Variants in SCML2 observed in about 807,000 individuals in gnomAD.
SCML2 encodes the protein Scm polycomb group protein like 2.
In SCML2, 6 loss-of-function variants were observed where a neutral mutation model predicts 48.4. That is an observed-to-expected ratio of 0.12 (90% CI 0.07 to 0.24). The LOEUF (loss-of-function observed/expected upper bound fraction) is 0.24, where lower values mean the gene tolerates loss of function less well. Among genes scored for constraint, SCML2 ranks in the 10% least tolerant of loss-of-function variants. The pLI is 1.00. For synonymous variants in SCML2, 181 were observed against 189.5 expected (o/e 0.95, Z 0.37); for missense variants, 377 against 528.2 (o/e 0.71, Z 2.81).
intron 7 of SCML2, among the ~76,000 whole-genome samples, chrX:18,290,891 G>A (rs2147509085): frequency 9.0e-6 from 1 of 110,752 alleles, no homozygotes; most frequent in South Asian, 3.9e-4. Context: ...TTAAATATTT[G>A]GACTTTAATG....
intron 2 of SCML2, among the ~76,000 whole-genome samples, chrX:18,333,614 TGA>T (rs1047486765): frequency 8.9e-6 from 1 of 111,841 alleles, no homozygotes; most frequent in Non-Finnish European, 1.9e-5. Context: ...GGAAAAGTCA[TGA>T]GAGATACAGC....
chrX:18,299,283 G>C (rs1317684523), intron 7 of SCML2, among the ~76,000 whole-genome samples: 1 of 111,369 alleles, frequency 9.0e-6, no homozygotes, highest in East Asian at 2.8e-4. Flanking sequence ...GGAGGCCAAG[G>C]TGGGCGGATC....
At chrX:18,245,552 T>C (rs1181446322) in intron 13 of SCML2, among the ~76,000 whole-genome samples, 3 of 111,651 alleles carry the variant, frequency 2.7e-5, no homozygotes, top group Admixed American at 9.5e-5. Flanking sequence ...TGGTTGCCCA[T>C]AGATAACACC....
intron 7 of SCML2, among the ~76,000 whole-genome samples, chrX:18,298,496 C>T (rs138466645): frequency 1.3e-3 from 151 of 112,227 alleles, no homozygotes; most frequent in African/African-American, 4.8e-3. Context: ...GCGCCAAGAA[C>T]GTACATTGGG....
intron 8 of SCML2, among the ~76,000 whole-genome samples, chrX:18,260,858 A>G (rs1362391919): frequency 9.1e-6 from 1 of 109,600 alleles, no homozygotes; most frequent in East Asian, 2.8e-4. Context: ...TATAAGAACC[A>G]ATGTTTCCTG....
intron 7 of SCML2, among the ~76,000 whole-genome samples, chrX:18,302,756 T>G (rs1460518691): frequency 8.9e-6 from 1 of 111,754 alleles, no homozygotes; most frequent in Non-Finnish European, 1.9e-5. Flanking sequence ...TGAGGGAACA[T>G]GATGACTCTC....
At chrX:18,304,906 G>A in intron 7 of SCML2, 66 bp downstream of exon 7, 1 of 1,135,345 alleles carries the variant, frequency 8.8e-7, no homozygotes, top group East Asian at 3.0e-5. Context: ...TAATCACAAT[G>A]CCACCAATGA....
At position 18,265,664 on chromosome X, in the gene SCML2, C is replaced by A. The variant is rs757189793; in HGVS notation, c.869G>T (p.Gly290Val). The A allele has an allele frequency of 2.5e-6, 3 of 1,210,868 alleles. No homozygotes were observed. The highest frequency in any genetic ancestry group is 3.4e-6 in the Non-Finnish European group (3 of 894,952). ...GCTCCTTTTGGGGACTGCAGTAGGTCCAGGTGGTTTAATTCGACTTGATCT... is the reference window on the plus strand; with the variant it reads ...GCTCCTTTTGGGGACTGCAGTAGGTACAGGTGGTTTAATTCGACTTGATCT... ...VRRSSRIKPP[G>V]PTAVPKRSSS... Residue 290 changes from glycine to valine, a missense_variant, in exon 8 of 15, where the codon GGA becomes GTA. This residue lies in a region of SCML2 where 299 missense variants were observed against 425.5 expected (regional missense o/e 0.70). Transcript: ENST00000251900.
intron 6 of SCML2, among the ~76,000 whole-genome samples, chrX:18,312,662 G>A (rs141152018): frequency 0.019 from 2,065 of 110,072 alleles, 58 homozygotes; most frequent in African/African-American, 0.065. Flanking sequence ...CAGATGTAGG[G>A]TGTGAAAGAA....
At chrX:18,306,745 AT>A (rs769850174) in intron 6 of SCML2, among the ~76,000 whole-genome samples, 18 of 110,956 alleles carry the variant, frequency 1.6e-4, no homozygotes, top group Admixed American at 5.8e-4. Context: ...ATCACCCTGT[AT>A]TTTTCTATTG....
rs897093682 is a variant in SCML2 at position 18,338,687 on chromosome X, A to G, written c.-24-4592T>C. On this transcript the variant is annotated intron_variant, in intron 1 of 14. Transcript: ENST00000251900. ...CAGCACTTGGGAAGGCCAAGGCAGGAGGATTGCTTGAGCCCAGGGGTTGGA... is the reference window on the plus strand; with the variant it reads ...CAGCACTTGGGAAGGCCAAGGCAGGGGGATTGCTTGAGCCCAGGGGTTGGA... Among the ~76,000 whole-genome samples the G allele has an allele frequency of 8.3e-5, 9 of 108,654 alleles. No individual in the cohort carries two copies. In the Admixed American group the frequency reaches 8.9e-4, roughly 11 times the overall value. 94.4% of individuals were successfully genotyped at this position (108,654 alleles called of 115,157 possible). A position where few individuals can be genotyped will look rare whatever the true frequency, so the allele number is the denominator to read the frequency against.
chrX:18,262,654 C>T (rs1217496098), intron 8 of SCML2, among the ~76,000 whole-genome samples: 1 of 104,278 alleles, frequency 9.6e-6, no homozygotes, highest in Non-Finnish European at 1.9e-5. Context: ...TCTACTATTT[C>T]ATTGCCTGTT....
chrX:18,286,861 A>G, intron 7 of SCML2, among the ~76,000 whole-genome samples: 1 of 111,760 alleles, frequency 8.9e-6, no homozygotes, highest in Non-Finnish European at 1.9e-5. Context: ...AGGAAAACAC[A>G]GTCTTTAATT....
chrX:18,290,431 T>C (rs1329633313), intron 7 of SCML2, among the ~76,000 whole-genome samples: 2 of 111,537 alleles, frequency 1.8e-5, no homozygotes, highest in Non-Finnish European at 3.8e-5. Context: ...CCTGCAACCT[T>C]ATACTCGGCA....
chrX:18,343,545 G>A (rs1930089242), intron 1 of SCML2, among the ~76,000 whole-genome samples: 1 of 109,941 alleles, frequency 9.1e-6, no homozygotes. Flanking sequence ...TGGATCACGA[G>A]GTCAGGAGAT....
At chrX:18,353,323 T>C (rs1484094223) in intron 1 of SCML2, among the ~76,000 whole-genome samples, 1 of 112,436 alleles carries the variant, frequency 8.9e-6, no homozygotes, top group African/African-American at 3.2e-5. Flanking sequence ...TTGCTCATCA[T>C]AGGCAGCTGT....
intron 6 of SCML2, among the ~76,000 whole-genome samples, chrX:18,305,632 AC>A (rs1279930806): frequency 9.0e-6 from 1 of 111,590 alleles, no homozygotes; most frequent in Admixed American, 9.6e-5. Flanking sequence ...AGGCAGTCAA[AC>A]AAACCTAACA....
In SCML2 at chrX:18,247,869, T is replaced by C. The variant is rs1443433646; in HGVS notation, c.1470A>G (p.Val490=). Residue 490 remains valine (V), a synonymous_variant, in exon 12 of 15, where the codon GTA becomes GTG. Coordinates refer to ENST00000251900, the MANE Select transcript of SCML2 (RefSeq NM_006089.3). ...ATCGTTTGGTGCTTTGCCTTTCTGT[T>C]ACATCTTCTTTTGCTGTTTTCAAAG... ...HDKNQSAKED[V]TERQSTKRSP... 2 of 1,202,213 alleles carry C rather than the reference T, an allele frequency of 1.7e-6. No homozygotes were observed. Among genetic ancestry groups the C allele is most frequent in the South Asian group, 1.8e-5 (1 of 56,430 alleles).
At chrX:18,247,971 T>C in intron 11 of SCML2, 89 bp from the exon 12 acceptor site, 3 of 569,280 alleles carry the variant, frequency 5.3e-6, no homozygotes, top group Admixed American at 3.0e-5. Context: ...CTTCTGTTTC[T>C]ACATCATTTG....
Sources: allele counts gnomAD v4.1 joint callset (sites outside exome capture counted in the v4.1 genomes callset), GRCh38; gene constraint gnomAD v4.1.1; regional missense constraint gnomAD v4.1.1; transcripts MANE v1.5; gene names NCBI Gene and HGNC (gene_info 2026-07-23, HGNC 2026-07-21).